The following TLN1 variants were observed in gnomAD, a reference collection of about 807,000 sequenced individuals.
TLN1 encodes talin 1.
TLN1 carries 56 observed loss-of-function variants against 292.3 expected under a neutral mutation model. The ratio of observed to expected loss-of-function variants is 0.19; its 90% CI spans 0.15 to 0.24. The LOEUF (loss-of-function observed/expected upper bound fraction) is 0.24. Ranked by LOEUF, TLN1 falls within the 10% of genes least tolerant of loss-of-function variation. TLN1 has a pLI of 1.00. For synonymous variants in TLN1, 1,119 were observed against 1,253.7 expected, an observed-to-expected ratio of 0.89 and a Z score of 2.27; for missense variants, 2,433 against 3,248.2, an observed-to-expected ratio of 0.75 and a Z score of 6.10.
At chr9:35,718,446 T>G (rs780749255) in intron 17 of TLN1, among the ~76,000 whole-genome samples, 1 of 151,800 alleles carries the variant, frequency 6.6e-6, no homozygotes, top group African/African-American at 2.4e-5. Flanking sequence ...GCTGAGGAAA[T>G]TGGCATGGAG....
At position 35,721,786 on chromosome 9, in the gene TLN1, C is replaced by T. The variant is rs1268504137; in HGVS notation, c.966G>A (p.Lys322=). The T allele has an allele frequency of 1.9e-6, 3 of 1,610,162 alleles. No individual in the cohort carries two copies. In the Admixed American group the frequency reaches 5.0e-5, roughly 27 times the overall value. The change falls in exon 10 of 57, where the codon AAG becomes AAA. Residue 322 remains lysine (K), a synonymous_variant. Transcript: ENST00000314888. ...FFLVKEKMKG[K]NKLVPRLLGI... ...CCAGAAGCCTGGGCACTAGCTTGTT[C>T]TTCCCTTTCATTTTTTCCTATGAGG...
At chr9:35,721,003 G>T in intron 10 of TLN1, 90 bp from the exon 11 acceptor site, 3 of 952,152 alleles carry the variant, frequency 3.2e-6, no homozygotes, top group Non-Finnish European at 5.0e-6. Flanking sequence ...TTGAGCTGAT[G>T]AGATGCCTTC....
intron 33 of TLN1, among the ~76,000 whole-genome samples, chr9:35,709,942 G>C (rs1174819006): frequency 7.0e-6 from 1 of 143,304 alleles, no homozygotes; most frequent in Non-Finnish European, 1.5e-5. Flanking sequence ...GCCAGGCGCG[G>C]TGGCTCACGC....
chr9:35,723,749 G>A, intron 7 of TLN1: 1 of 691,106 alleles, frequency 1.4e-6, no homozygotes, highest in Non-Finnish European at 2.4e-6. Context: ...GGTAGGGGCA[G>A]AGATACTGAA....
chr9:35,708,827 A>G (rs1825610118), intron 33 of TLN1, among the ~76,000 whole-genome samples: 1 of 152,234 alleles, frequency 6.6e-6, no homozygotes, highest in South Asian at 2.1e-4. Flanking sequence ...GTAGCAGTAA[A>G]ACGTTTGAGA....
chr9:35,718,594 G>A (rs978347180), intron 17 of TLN1, among the ~76,000 whole-genome samples: 1 of 152,128 alleles, frequency 6.6e-6, no homozygotes, highest in African/African-American at 2.4e-5. Context: ...GAATAAATGA[G>A]GGCCAAGAGT....
At position 35,699,274 on chromosome 9, in the gene TLN1, G is replaced by C. The variant is rs1825422804; in HGVS notation, c.6874+82C>G. 5.8e-6 allele frequency: 9 copies of C among 1,564,494 alleles called. No homozygotes were observed. In the South Asian group the frequency reaches 8.4e-5, roughly 15 times the overall value. ...CTGTGGGGACTATGGTCAGAGGCTAGCACAGAGCTGTCCAGCCAGGAAGCA... is the reference window on the plus strand; with the variant it reads ...CTGTGGGGACTATGGTCAGAGGCTACCACAGAGCTGTCCAGCCAGGAAGCA... On this transcript the variant is annotated intron_variant, in intron 51 of 56. Coordinates refer to ENST00000314888, the MANE Select transcript of TLN1 (RefSeq NM_006289.4). The surrounding 1 kb of genome is among the most constrained non-coding windows in gnomAD (Gnocchi z 4.0).
chr9:35,705,137 A>T (rs1459609134), intron 43 of TLN1, among the ~76,000 whole-genome samples: 1 of 152,154 alleles, frequency 6.6e-6, no homozygotes, highest in African/African-American at 2.4e-5. Flanking sequence ...GTATGGGGTT[A>T]TGGAGGGTTT....
rs370001042 is a variant in TLN1, at chr9:35,714,806, G to C, written c.2825C>G (p.Pro942Arg). 20 of 1,580,382 alleles carry C rather than the reference G, an allele frequency of 1.3e-5. No homozygotes were observed. Among genetic ancestry groups the C allele is most frequent in the East Asian group, 4.5e-5 (2 of 44,620 alleles). The change falls in exon 22 of 57, where the codon CCC becomes CGC. Residue 942 changes from proline to arginine, a missense_variant. By Grantham distance (103) the Pro-to-Arg change is moderately radical. This residue lies in a region of TLN1 where 617 missense variants were observed against 770.6 expected (regional missense o/e 0.80). Coordinates refer to ENST00000314888, the MANE Select transcript of TLN1 (RefSeq NM_006289.4). This position sits in a 1 kb window ranked among gnomAD's most constrained non-coding sequence, Gnocchi z 4.6. ...IAAAQHAAST[P>R]KASAGPQPLL... ...GGGCTGGGGGCCGGCAGAGGCCTTGGGGGTAGAGGCTGCGTGCTGAGCTGC... is the reference window on the plus strand; with the variant it reads ...GGGCTGGGGGCCGGCAGAGGCCTTGCGGGTAGAGGCTGCGTGCTGAGCTGC...
Position 35,707,796 on chromosome 9 carries a change from G to A in TLN1, c.4567C>T (p.Arg1523Cys), listed in dbSNP as rs1424218976. The change falls in exon 35 of 57, where the codon CGC becomes TGC. Residue 1523 changes from arginine to cysteine, a missense_variant. This residue lies in a region of TLN1 where 1,384 missense variants were observed against 1,699.6 expected (regional missense o/e 0.81). Coordinates refer to ENST00000314888, the MANE Select transcript of TLN1 (RefSeq NM_006289.4). The surrounding 1 kb of genome is among the most constrained non-coding windows in gnomAD (Gnocchi z 5.6). The part of the protein sequence containing the change: ...SARTTNPTAK[R>C]QFVQSAKEVA... ...TCCTTGGCTGACTGTACAAACTGGCGCTTGGCAGTAGGATTGGTGGTACGG... is the reference window on the plus strand; with the variant it reads ...TCCTTGGCTGACTGTACAAACTGGCACTTGGCAGTAGGATTGGTGGTACGG... 1.9e-6 allele frequency: 3 copies of A among 1,614,168 alleles called. No homozygotes were observed. The highest frequency in any genetic ancestry group is 2.5e-6 in the Non-Finnish European group (3 of 1,180,036).
Position 35,724,169 on chromosome 9 carries a change from C to T in TLN1, c.654+23G>A. On this transcript the variant is annotated intron_variant, in intron 6 of 56. Coordinates refer to ENST00000314888, the MANE Select transcript of TLN1 (RefSeq NM_006289.4). The surrounding 1 kb of genome is among the most constrained non-coding windows in gnomAD (Gnocchi z 4.7). ...CCGAGCCCTCCCTATTCCTGCCCCA[C>T]CCCAGCCAAGTCCTCTGCATACCTG... 1 of 1,614,048 alleles carries T rather than the reference C, an allele frequency of 6.2e-7. No homozygotes were observed. The highest frequency in any genetic ancestry group is 1.1e-5 in the South Asian group (1 of 91,076).
intron 1 of TLN1, 134 bp from the exon 2 acceptor site, chr9:35,725,861 G>T: frequency 1.4e-6 from 1 of 701,528 alleles, no homozygotes; most frequent in South Asian, 2.3e-5. Flanking sequence ...TGTTTTCATT[G>T]TATTTAATAA....
At chr9:35,718,716 G>C (rs1825828721) in intron 17 of TLN1, 96 bp downstream of exon 17, 1 of 1,019,766 alleles carries the variant, frequency 9.8e-7, no homozygotes, top group African/African-American at 1.6e-5. Context: ...TGGTTTTTAG[G>C]GGTCAATTCA....
chr9:35,708,013 C>G (rs1223578657), intron 34 of TLN1, 121 bp from the exon 35 acceptor site: 3 of 1,185,548 alleles, frequency 2.5e-6, no homozygotes, highest in African/African-American at 3.1e-5. Context: ...ACAGGAATAA[C>G]AGAGTCACCT....
intron 3 of TLN1, 44 bp from the exon 4 acceptor site, chr9:35,725,003 G>A (rs1825943967): frequency 3.7e-6 from 6 of 1,612,532 alleles, no homozygotes; most frequent in Non-Finnish European, 5.1e-6. Flanking sequence ...TCTGAGCTAG[G>A]GGTATTATTT....
intron 9 of TLN1, among the ~76,000 whole-genome samples, 154 bp from the exon 10 acceptor site, chr9:35,721,957 G>A (rs768581428): frequency 5.9e-5 from 9 of 152,126 alleles, no homozygotes; most frequent in Non-Finnish European, 1.0e-4. Context: ...GGTGGTGTAG[G>A]GCTGATGACA....
chr9:35,731,469 A>G (rs1826078047), intron 1 of TLN1, among the ~76,000 whole-genome samples: 1 of 152,120 alleles, frequency 6.6e-6, no homozygotes. Context: ...GTTCATTTAT[A>G]ATTTGATTCC....
rs913775962 is a variant in TLN1 at position 35,703,439 on chromosome 9, G to A, written c.6474+121C>T. On this transcript the variant is annotated intron_variant, in intron 48 of 56. Transcript: ENST00000314888. ...ACCCTTCTCAAAAAAAAAGTCTGGCGATAGATGAGAGAGAAGACTGTGTGT... is the reference window on the plus strand; with the variant it reads ...ACCCTTCTCAAAAAAAAAGTCTGGCAATAGATGAGAGAGAAGACTGTGTGT... 7.7e-5 allele frequency: 75 copies of A among 971,530 alleles called. 1 individual carries two copies. In the South Asian group the frequency reaches 8.8e-4, roughly 11 times the overall value. The allele number at this position is 971,530 out of a possible 1,614,324, so 60.2% of individuals were successfully genotyped here.
At position 35,711,605 on chromosome 9, in the gene TLN1, C is replaced by T; in HGVS notation, c.3869G>A (p.Gly1290Asp). The T allele has an allele frequency of 6.2e-7, 1 of 1,613,714 alleles. No homozygotes were observed. The highest frequency in any genetic ancestry group is 1.3e-5 in the African/African-American group (1 of 75,044). The change falls in exon 29 of 57, where the codon GGC becomes GAC. Residue 1290 changes from glycine to aspartate, a missense_variant. Physicochemically the swap from Gly to Asp is moderately conservative, Grantham distance 94. Transcript: ENST00000314888. Reference protein sequence around the residue: ...TFLEAGVEMAGQAPSQEDRAQ... With the variant: ...TFLEAGVEMADQAPSQEDRAQ... ...TCTGCCTCTTCATACCGGAGCCTGGCCTGCCATCTCCACACCAGCTTCCAG... is the reference window on the plus strand; with the variant it reads ...TCTGCCTCTTCATACCGGAGCCTGGTCTGCCATCTCCACACCAGCTTCCAG...
Sources: gnomAD v4.1 joint callset for allele counts (sites outside exome capture counted in the v4.1 genomes callset) on GRCh38, gnomAD v4.1.1 for gene constraint, gnomAD v4.1.1 regional missense constraint, Gnocchi (gnomAD v3.1) non-coding constraint, MANE v1.5 for transcripts, NCBI Gene and HGNC (gene_info 2026-07-23, HGNC 2026-07-21) for gene names.